CDH12: variants seen among roughly 807,000 people sequenced by gnomAD.
CDH12 encodes cadherin-12.
Under a neutral mutation model 74.1 loss-of-function variants are expected in CDH12, and 41 were observed. The ratio of observed to expected loss-of-function variants is 0.55; its 90% CI spans 0.43 to 0.72. CDH12 has a LOEUF of 0.72. Among genes scored for constraint, CDH12 ranks in the 30% least tolerant of loss-of-function variants. CDH12 has a pLI of 0.00. For synonymous variants in CDH12, 399 were observed against 355.0 expected (o/e 1.12, Z -1.39); for missense variants, 945 against 977.2 (o/e 0.97, Z 0.44).
chr5:22,302,724 A>C (rs1051453730), intron 3 of CDH12, among the ~76,000 whole-genome samples: 3 of 152,160 alleles, frequency 2.0e-5, no homozygotes, highest in African/African-American at 7.2e-5. Context: ...AGAAAAAAGA[A>C]GGCAAAATAA....
chr5:22,189,814 G>A (rs1389872692), intron 4 of CDH12, among the ~76,000 whole-genome samples: 2 of 149,494 alleles, frequency 1.3e-5, no homozygotes, highest in African/African-American at 4.9e-5. Flanking sequence ...GGTGCATCCA[G>A]GGGATAACAG....
In CDH12 at chr5:22,206,363, C is replaced by G. The variant is rs562243384; in HGVS notation, c.-187+6135G>C. Among the ~76,000 whole-genome samples the G allele has an allele frequency of 6.6e-5, 10 of 152,286 alleles. No individual in the cohort carries two copies. In the East Asian group the frequency reaches 1.9e-3, roughly 29 times the overall value. On this transcript the variant is annotated intron_variant, in intron 4 of 14. Coordinates refer to ENST00000382254, the MANE Select transcript of CDH12 (RefSeq NM_004061.5). ...GCTGGTCTACAGCAGCAGTGTCCAA[C>G]TGGGGCTACATAATAGAGTTACCTG...
intron 11 of CDH12, among the ~76,000 whole-genome samples, chr5:21,775,467 A>G (rs1745535582): frequency 6.6e-6 from 1 of 152,168 alleles, no homozygotes; most frequent in South Asian, 2.1e-4. Flanking sequence ...GCAGATTCTC[A>G]CAAGTCTTTT....
chr5:21,774,117 G>T (rs1745466242), intron 11 of CDH12, among the ~76,000 whole-genome samples: 1 of 152,008 alleles, frequency 6.6e-6, no homozygotes, highest in Non-Finnish European at 1.5e-5. Context: ...TGTCCGTGAG[G>T]GTGTTGCCAA....
chr5:21,847,559 C>T (rs568989800), intron 7 of CDH12, among the ~76,000 whole-genome samples: 15 of 152,104 alleles, frequency 9.9e-5, no homozygotes, highest in African/African-American at 3.1e-4. Flanking sequence ...AGCAGATTAG[C>T]GTTTTCATAT....
chr5:22,841,422 T>C (rs1337875718), intron 1 of CDH12, among the ~76,000 whole-genome samples: 1 of 152,134 alleles, frequency 6.6e-6, no homozygotes, highest in Non-Finnish European at 1.5e-5. Context: ...ATAATTCATT[T>C]TGGACGTGTG....
At chr5:22,099,724 T>C (rs1183774632) in intron 4 of CDH12, among the ~76,000 whole-genome samples, 1 of 152,202 alleles carries the variant, frequency 6.6e-6, no homozygotes, top group Non-Finnish European at 1.5e-5. Flanking sequence ...CTGCCACTCT[T>C]AACTCTTGAA....
At chr5:21,887,727 G>T (rs1053422857) in intron 6 of CDH12, among the ~76,000 whole-genome samples, 2 of 151,992 alleles carry the variant, frequency 1.3e-5, no homozygotes, top group African/African-American at 2.4e-5. Context: ...TTCCCTGCTG[G>T]CATCTAGAAA....
chr5:22,091,147 G>C (rs948449367), intron 4 of CDH12, among the ~76,000 whole-genome samples: 1 of 150,214 alleles, frequency 6.7e-6, no homozygotes, highest in African/African-American at 2.4e-5. Flanking sequence ...GTCTCAACTT[G>C]CAGATGACAT....
intron 3 of CDH12, among the ~76,000 whole-genome samples, chr5:22,287,232 G>A (rs1737180003): frequency 6.6e-6 from 1 of 152,094 alleles, no homozygotes. Context: ...TGCCATTTAC[G>A]TCTGATTGTT....
intron 1 of CDH12, among the ~76,000 whole-genome samples, chr5:22,623,223 G>A (rs980297171): frequency 1.3e-5 from 2 of 152,058 alleles, no homozygotes; most frequent in African/African-American, 4.8e-5. Context: ...ATACTGAATG[G>A]GCAAAAACTG....
Position 22,311,633 on chromosome 5 carries a change from G to A in CDH12, c.-333+93624C>T, listed in dbSNP as rs1738393059. 4.6e-5 allele frequency among the ~76,000 whole-genome samples: 7 copies of A among 150,640 alleles called. No homozygotes were observed. In the Admixed American group the frequency reaches 4.7e-4, roughly 10 times the overall value. On this transcript the variant is annotated intron_variant, in intron 3 of 14. Coordinates refer to ENST00000382254, the MANE Select transcript of CDH12 (RefSeq NM_004061.5). ...CAGGATAATCGCTTGAACCTGGGAG[G>A]CAGAAGTTTTAGTGAGCTGAGATCA...
rs200633292 is a variant in CDH12 at position 22,090,070 on chromosome 5, T to G, written c.-186-11208A>C. On this transcript the variant is annotated intron_variant, in intron 4 of 14. Coordinates refer to ENST00000382254, the MANE Select transcript of CDH12 (RefSeq NM_004061.5). ...TAAAGACTGAAGTGGAAATTAATAATGTAAAGAATGAAAACAATAGATAAA... is the reference window on the plus strand; with the variant it reads ...TAAAGACTGAAGTGGAAATTAATAAGGTAAAGAATGAAAACAATAGATAAA... Among the ~76,000 whole-genome samples, 3 of 151,922 alleles carry G rather than the reference T, an allele frequency of 2.0e-5. No individual in the cohort carries two copies. The East Asian group carries it at 5.8e-4, about 29-fold the overall frequency.
At chr5:22,238,587 T>C (rs1752637472) in intron 3 of CDH12, among the ~76,000 whole-genome samples, 2 of 152,106 alleles carry the variant, frequency 1.3e-5, no homozygotes, top group Non-Finnish European at 2.9e-5. Context: ...GAAAAAGCAA[T>C]GGAATGATTT....
At chr5:22,673,041 A>T (rs987184744) in intron 1 of CDH12, among the ~76,000 whole-genome samples, 2 of 150,286 alleles carry the variant, frequency 1.3e-5, no homozygotes, top group African/African-American at 2.5e-5. Context: ...TCTCTTTTGG[A>T]TCTTTCATAT....
chr5:22,233,650 C>A (rs1234046697), intron 3 of CDH12, among the ~76,000 whole-genome samples: 1 of 152,116 alleles, frequency 6.6e-6, no homozygotes, highest in African/African-American at 2.4e-5. Context: ...TAGAGAGATT[C>A]TCCTAAGGTA....
At chr5:22,551,440 A>G (rs186826747) in intron 1 of CDH12, among the ~76,000 whole-genome samples, 123 of 152,330 alleles carry the variant, frequency 8.1e-4, no homozygotes, top group African/African-American at 2.6e-3. Context: ...AGACAAGCTC[A>G]GATCAGGCAG....
chr5:22,657,262 G>C (rs1740094672), intron 1 of CDH12, among the ~76,000 whole-genome samples: 1 of 152,118 alleles, frequency 6.6e-6, no homozygotes, highest in South Asian at 2.1e-4. Context: ...GCATTGATTG[G>C]AAATGGGTAC....
Position 22,666,504 on chromosome 5 carries a change from G to A in CDH12, c.-522-161140C>T, listed in dbSNP as rs971790605. 4.0e-5 allele frequency among the ~76,000 whole-genome samples: 6 copies of A among 151,546 alleles called. No individual in the cohort carries two copies. The East Asian group carries it at 5.8e-4, about 15-fold the overall frequency. On this transcript the variant is annotated intron_variant, in intron 1 of 14. Coordinates refer to ENST00000382254, the MANE Select transcript of CDH12 (RefSeq NM_004061.5). ...ACGGGGTTTCACCGTGTTAGCCAGG[G>A]TGGTCTCGATCTCCTGACCTCGTGA...
Sources: gnomAD v4.1 joint callset for allele counts (sites outside exome capture counted in the v4.1 genomes callset) on GRCh38, gnomAD v4.1.1 for gene constraint, MANE v1.5 for transcripts, NCBI Gene and HGNC (gene_info 2026-07-23, HGNC 2026-07-21) for gene names.